Variants in TMEM43 observed in about 807,000 individuals in gnomAD.
TMEM43 encodes arrhythmogenic right ventricular dysplasia 5.
In TMEM43, 45 loss-of-function variants were observed where a neutral mutation model predicts 49.6. The ratio of observed to expected loss-of-function variants is 0.91; its 90% CI spans 0.71 to 1.16. The LOEUF (loss-of-function observed/expected upper bound fraction) is 1.16, where lower values mean the gene tolerates loss of function less well. Among genes scored for constraint, TMEM43 ranks in the 50% most tolerant of loss-of-function variants. TMEM43 has a pLI of 0.00. For synonymous variants in TMEM43, 199 were observed against 207.8 expected, an observed-to-expected ratio of 0.96 and a Z score of 0.36; for missense variants, 532 against 516.6, an observed-to-expected ratio of 1.03 and a Z score of -0.29.
chr3:14,132,662 G>A lies in TMEM43; in HGVS notation c.442+67G>A. 3.2e-6 allele frequency: 5 copies of A among 1,576,592 alleles called. No individual in the cohort carries two copies. The South Asian group carries it at 5.5e-5, about 17-fold the overall frequency. On this transcript the variant is annotated intron_variant, in intron 5 of 11. Coordinates refer to ENST00000306077, the MANE Select transcript of TMEM43 (RefSeq NM_024334.3). Reference sequence around the variant, plus strand: ...GGCCCACAGTGGTGGCTGGACAGCAGGGCTGTTGGTGGGGCCATGGGAAGG... The same window carrying A: ...GGCCCACAGTGGTGGCTGGACAGCAAGGCTGTTGGTGGGGCCATGGGAAGG...
chr3:14,125,869 G>A (rs558020526), intron 1 of TMEM43, among the ~76,000 whole-genome samples: 27 of 152,270 alleles, frequency 1.8e-4, no homozygotes, highest in Non-Finnish European at 3.7e-4. Context: ...CCTGCAACTA[G>A]CCTTTCTCGG....
Position 14,142,673 on chromosome 3 carries a change from TAA to T in TMEM43, c.*882_*883del, listed in dbSNP as rs1695267547. The T allele has an allele frequency of 6.5e-6, 1 of 152,680 alleles. No homozygotes were observed. The highest frequency in any genetic ancestry group is 2.1e-4 in the South Asian group (1 of 4,834). 9.5% of individuals were successfully genotyped at this position (152,680 alleles called of 1,614,324 possible). A position where few individuals can be genotyped will look rare whatever the true frequency, so the allele number is the denominator to read the frequency against. The stretch of plus-strand genomic sequence containing the variant: ...AAATTGGGGTATGTGGTTTGATTGA[TAA>T]AAAGTTACCTCTCAGTATTTTGTGT... On this transcript the variant is annotated 3_prime_UTR_variant, in exon 12 of 12. Coordinates refer to ENST00000306077, the MANE Select transcript of TMEM43 (RefSeq NM_024334.3).
At chr3:14,129,848 C>T (rs1364093400) in intron 2 of TMEM43, among the ~76,000 whole-genome samples, 1 of 152,162 alleles carries the variant, frequency 6.6e-6, no homozygotes, top group Non-Finnish European at 1.5e-5. Flanking sequence ...ATCTCCATTT[C>T]TTCATCTTTT....
chr3:14,137,628 G>C (rs1273110552), intron 10 of TMEM43, among the ~76,000 whole-genome samples: 1 of 152,230 alleles, frequency 6.6e-6, no homozygotes, highest in Non-Finnish European at 1.5e-5. Flanking sequence ...CCAGTCCCAG[G>C]GGCAGGAGAG....
rs1400071190 is a variant in TMEM43 at position 14,143,557 on chromosome 3, C to T, written c.*1762C>T. The T allele has an allele frequency of 6.6e-6, 1 of 152,048 alleles. No homozygotes were observed. The highest frequency in any genetic ancestry group is 2.4e-5 in the African/African-American group (1 of 41,388). The allele number at this position is 152,048 out of a possible 1,614,324, so 9.4% of individuals were successfully genotyped here. On this transcript the variant is annotated 3_prime_UTR_variant, in exon 12 of 12. Coordinates refer to ENST00000306077, the MANE Select transcript of TMEM43 (RefSeq NM_024334.3). ...TCTAGTAAGGATTTTAAATAACTGC[C>T]GACTTCAAAAGTGTTCTTAAAACGA...
At position 14,125,111 on chromosome 3, in the gene TMEM43, A is replaced by T. The variant is rs1238128891; in HGVS notation, c.-83A>T. ...GATTTTCGAAGCTGGGGCTGGCAAG[A>T]GGCCGCTGGACACCACGCTCCAGTC... On this transcript the variant is annotated 5_prime_UTR_variant, in exon 1 of 12. Coordinates refer to ENST00000306077, the MANE Select transcript of TMEM43 (RefSeq NM_024334.3). The T allele has an allele frequency of 1.9e-6, 3 of 1,575,178 alleles. No homozygotes were observed. In the African/African-American group the frequency reaches 4.0e-5, roughly 21 times the overall value.
Position 14,134,833 on chromosome 3 carries a change from T to C in TMEM43, c.647T>C (p.Val216Ala). 6.2e-7 allele frequency: 1 copy of C among 1,614,192 alleles called. No individual in the cohort carries two copies. The highest frequency in any genetic ancestry group is 2.2e-5 in the East Asian group (1 of 44,876). Reference sequence around the variant, plus strand: ...CTATCCAAGCTGGAGGACCCTCATGTGGACATCATTCGCCGTGGAGACTTT... The same window carrying C: ...CTATCCAAGCTGGAGGACCCTCATGCGGACATCATTCGCCGTGGAGACTTT... ...LSLSKLEDPH[V>A]DIIRRGDFFY... is the part of the protein sequence containing the mutation. The change falls in exon 8 of 12, where the codon GTG becomes GCG. Residue 216 changes from valine (V) to alanine (A), a missense_variant. Transcript: ENST00000306077.
In TMEM43 at chr3:14,135,156, A is replaced by T; in HGVS notation, c.706-2A>T. On this transcript the variant is annotated splice_acceptor_variant, in intron 8 of 11. Transcript: ENST00000306077. LOFTEE classifies it high-confidence loss of function. Reference sequence around the variant, plus strand: ...CTCTCCCTGCTTCTCTTCCACCCCCAGGTGGGAGACTTGCGTGTCTCCTTT... The same window carrying T: ...CTCTCCCTGCTTCTCTTCCACCCCCTGGTGGGAGACTTGCGTGTCTCCTTT... 2 of 1,611,500 alleles carry T rather than the reference A, an allele frequency of 1.2e-6. No individual in the cohort carries two copies. The highest frequency in any genetic ancestry group is 8.5e-7 in the Non-Finnish European group (1 of 1,179,458).
In TMEM43 at chr3:14,125,075, G is replaced by C; in HGVS notation, c.-119G>C. 7.6e-7 allele frequency: 1 copy of C among 1,315,772 alleles called. No homozygotes were observed. Among genetic ancestry groups the C allele is most frequent in the South Asian group, 1.2e-5 (1 of 80,584 alleles). The allele number at this position is 1,315,772 out of a possible 1,614,324, so 81.5% of individuals were successfully genotyped here. ...CTGCAGTAAGTCCCGCTTGGCCCTG[G>C]AGTCCACGCGGATTTTCGAAGCTGG... On this transcript the variant is annotated 5_prime_UTR_variant, in exon 1 of 12. Coordinates refer to ENST00000306077, the MANE Select transcript of TMEM43 (RefSeq NM_024334.3).
intron 2 of TMEM43, among the ~76,000 whole-genome samples, chr3:14,130,295 A>G (rs1018110495): frequency 1.3e-5 from 2 of 151,804 alleles, no homozygotes; most frequent in African/African-American, 4.8e-5. Context: ...GGGTCCCATA[A>G]TCTGACCAGG....
In TMEM43 at chr3:14,135,302, T is replaced by C. The variant is rs1482051990; in HGVS notation, c.780+70T>C. On this transcript the variant is annotated intron_variant, in intron 9 of 11. Coordinates refer to ENST00000306077, the MANE Select transcript of TMEM43 (RefSeq NM_024334.3). ...ACTTTCCTGGACACAGACACCTTGG[T>C]CAATGTCAGGAGCGCTTGGACCCCC... 3.7e-6 allele frequency: 5 copies of C among 1,350,498 alleles called. No individual in the cohort carries two copies. The Admixed American group carries it at 8.8e-5, about 24-fold the overall frequency. The allele number at this position is 1,350,498 out of a possible 1,614,324, so 83.7% of individuals were successfully genotyped here. A position where few individuals can be genotyped will look rare whatever the true frequency, so the allele number is the denominator to read the frequency against.
In TMEM43 at chr3:14,135,147, TC is replaced by T; in HGVS notation, c.706-9del. ...CGTTCCTCACTCTCCCTGCTTCTCT[TC>T]CACCCCCAGGTGGGAGACTTGCGTG... On this transcript the variant is annotated splice_polypyrimidine_tract_variant and intron_variant, in intron 8 of 11. Coordinates refer to ENST00000306077, the MANE Select transcript of TMEM43 (RefSeq NM_024334.3). 2 of 1,610,620 alleles carry T rather than the reference TC, an allele frequency of 1.2e-6. No homozygotes were observed. The highest frequency in any genetic ancestry group is 1.7e-6 in the Non-Finnish European group (2 of 1,179,142).
Position 14,135,195 on chromosome 3 carries a change from T to C in TMEM43, c.743T>C (p.Leu248Pro), listed in dbSNP as rs774356401. Residue 248 changes from leucine (L) to proline (P), a missense_variant, in exon 9 of 12, where the codon CTG becomes CCG. Physicochemically the swap from Leu to Pro is moderately conservative, Grantham distance 98. Transcript: ENST00000306077. ...CGTGTCTCCTTTTCCTATGCTGGAC[T>C]GAGCGGCGATGACCCTGACCTGGGC... ...DLRVSFSYAG[L>P]SGDDPDLGPA... The C allele has an allele frequency of 5.6e-6, 9 of 1,612,678 alleles. No homozygotes were observed. In the South Asian group the frequency reaches 9.9e-5, roughly 18 times the overall value.
intron 4 of TMEM43, 111 bp from the exon 5 acceptor site, chr3:14,132,435 C>A: frequency 9.1e-7 from 1 of 1,095,888 alleles, no homozygotes; most frequent in Non-Finnish European, 1.4e-6. Context: ...TCTGCCGTAT[C>A]TGGGGAGTCT....
Position 14,132,528 on chromosome 3 carries a change from G to A in TMEM43, c.393-18G>A, listed in dbSNP as rs748969808. On this transcript the variant is annotated intron_variant, in intron 4 of 11. Transcript: ENST00000306077. ...GGCGACGAGGCTAACCCCCGTGGCT[G>A]CTTTGCTTTCCCTGCAGGGAGTACA... 7.4e-6 allele frequency: 12 copies of A among 1,614,148 alleles called. No homozygotes were observed. The highest frequency in any genetic ancestry group is 1.7e-5 in the Admixed American group (1 of 60,024).
intron 1 of TMEM43, 78 bp from the exon 2 acceptor site, chr3:14,129,334 A>AAAATTTT: frequency 1.2e-6 from 1 of 849,714 alleles, no homozygotes; most frequent in Non-Finnish European, 1.7e-6. Context: ...AAAAAAAAAA[A>AAAATTTT]TTGAGTATAA....
At chr3:14,127,041 C>T (rs1336990573) in intron 1 of TMEM43, among the ~76,000 whole-genome samples, 1 of 152,184 alleles carries the variant, frequency 6.6e-6, no homozygotes. Context: ...GTGTCAGCCT[C>T]TGTTCCCACC....
chr3:14,132,458 C>T, intron 4 of TMEM43, 88 bp from the exon 5 acceptor site: 1 of 1,417,826 alleles, frequency 7.1e-7, no homozygotes, highest in Admixed American at 1.7e-5. Context: ...TCTGGTAGCC[C>T]TGAGGTTGCT....
chr3:14,125,247 C>A, intron 1 of TMEM43, 42 bp downstream of exon 1: 2 of 1,588,126 alleles, frequency 1.3e-6, no homozygotes, highest in South Asian at 1.1e-5. Flanking sequence ...CAGGCTTCCC[C>A]GTCGCCCTGG....
Sources: gnomAD v4.1 joint callset for allele counts (sites outside exome capture counted in the v4.1 genomes callset) on GRCh38, gnomAD v4.1.1 for gene constraint, MANE v1.5 for transcripts, NCBI Gene and HGNC (gene_info 2026-07-23, HGNC 2026-07-21) for gene names.